PTPRK: variants seen among roughly 807,000 people sequenced by gnomAD.
PTPRK encodes protein tyrosine phosphatase receptor type K.
In PTPRK, 75 loss-of-function variants were observed where a neutral mutation model predicts 178.0. The ratio of observed to expected loss-of-function variants is 0.42; its 90% CI spans 0.35 to 0.51. The LOEUF (loss-of-function observed/expected upper bound fraction) is 0.51. Ranked by LOEUF, PTPRK falls within the 20% of genes least tolerant of loss-of-function variation. The pLI, the probability that PTPRK is intolerant of heterozygous loss-of-function variation, is 0.02. For synonymous variants in PTPRK, 637 were observed against 620.6 expected (o/e 1.03, Z -0.39); for missense variants, 1,441 against 1,797.8 (o/e 0.80, Z 3.59).
At chr6:128,136,352 G>A (rs1795012623) in intron 7 of PTPRK, among the ~76,000 whole-genome samples, 1 of 152,150 alleles carries the variant, frequency 6.6e-6, no homozygotes, top group African/African-American at 2.4e-5. Context: ...AGGGATTAAG[G>A]TGCTTCCCTG....
chr6:128,378,357 A>G (rs4296904), intron 2 of PTPRK, among the ~76,000 whole-genome samples: 6,904 of 152,196 alleles, frequency 0.045, 425 homozygotes, highest in East Asian at 0.32. Flanking sequence ...TCATGATTTC[A>G]TAAGTAAATA....
intron 7 of PTPRK, among the ~76,000 whole-genome samples, chr6:128,106,925 A>C (rs1789814559): frequency 1.3e-5 from 2 of 152,242 alleles, no homozygotes; most frequent in South Asian, 4.1e-4. Flanking sequence ...AAGGTAAATA[A>C]AAAAGAATTT....
chr6:128,244,732 T>C (rs1815138529), intron 3 of PTPRK, among the ~76,000 whole-genome samples: 1 of 152,296 alleles, frequency 6.6e-6, no homozygotes, highest in Non-Finnish European at 1.5e-5. Context: ...TAGTACAGAC[T>C]GAAAACCTCT....
At chr6:128,224,968 T>C (rs1811030265) in intron 5 of PTPRK, among the ~76,000 whole-genome samples, 1 of 152,180 alleles carries the variant, frequency 6.6e-6, no homozygotes, top group Non-Finnish European at 1.5e-5. Flanking sequence ...TCTTTGGACT[T>C]TTTGTTAAAT....
chr6:128,278,653 G>A (rs1367713528), intron 3 of PTPRK, among the ~76,000 whole-genome samples: 2 of 152,130 alleles, frequency 1.3e-5, no homozygotes, highest in Admixed American at 1.3e-4. Context: ...AAGGCCACTG[G>A]GCTTGGTCTT....
At chr6:127,982,753 G>C in intron 24 of PTPRK, 78 bp downstream of exon 24, 1 of 1,329,918 alleles carries the variant, frequency 7.5e-7, no homozygotes, top group South Asian at 1.5e-5. Context: ...TGACTTGAAA[G>C]ACCTTCCTTG....
chr6:127,971,664 T>C (rs1773912810), intron 29 of PTPRK, among the ~76,000 whole-genome samples: 1 of 152,030 alleles, frequency 6.6e-6, no homozygotes, highest in African/African-American at 2.4e-5. Flanking sequence ...GACATGAATG[T>C]AAAGGAAAAT....
At chr6:128,148,158 G>A (rs1207695539) in intron 7 of PTPRK, among the ~76,000 whole-genome samples, 2 of 152,052 alleles carry the variant, frequency 1.3e-5, no homozygotes, top group African/African-American at 2.4e-5. Flanking sequence ...TATTAAGAGG[G>A]GCACTGATGA....
intron 7 of PTPRK, among the ~76,000 whole-genome samples, chr6:128,151,240 T>C (rs1797200975): frequency 6.6e-6 from 1 of 152,048 alleles, no homozygotes; most frequent in Non-Finnish European, 1.5e-5. Flanking sequence ...TTTCCTTTTG[T>C]CCATTAGTAA....
At chr6:128,515,984 G>A (rs1857951151) in intron 1 of PTPRK, among the ~76,000 whole-genome samples, 1 of 152,036 alleles carries the variant, frequency 6.6e-6, no homozygotes, top group Admixed American at 6.6e-5. Flanking sequence ...TACCTTAAAG[G>A]CCAGAAAAAC....
At chr6:128,283,002 A>C (rs1821918125) in intron 3 of PTPRK, among the ~76,000 whole-genome samples, 1 of 152,152 alleles carries the variant, frequency 6.6e-6, no homozygotes, top group South Asian at 2.1e-4. Context: ...GAAAACAAGA[A>C]AGGGTGGTGC....
At chr6:128,229,568 A>G (rs1441248435) in intron 5 of PTPRK, among the ~76,000 whole-genome samples, 1 of 152,148 alleles carries the variant, frequency 6.6e-6, no homozygotes, top group Non-Finnish European at 1.5e-5. Flanking sequence ...AAAATGACTG[A>G]TCTCACATCC....
At chr6:127,984,113 T>C (rs1421385978) in intron 22 of PTPRK, among the ~76,000 whole-genome samples, 2 of 152,196 alleles carry the variant, frequency 1.3e-5, no homozygotes, top group East Asian at 3.8e-4. Context: ...TTTTAGTCTT[T>C]AATTGGCAAA....
rs538906478 is a variant in PTPRK, at chr6:128,070,647, G to A, written c.1884-2855C>T. On this transcript the variant is annotated intron_variant, in intron 11 of 29. Coordinates refer to ENST00000368226, the MANE Select transcript of PTPRK (RefSeq NM_002844.4). ...GCTAGTTGGAGATAACCTGGTCACC[G>A]CACTCTATAACCCTCCCACTCTACC... is the stretch of plus-strand genomic sequence containing the variant. 1.4e-3 allele frequency among the ~76,000 whole-genome samples: 214 copies of A among 151,892 alleles called. 1 individual carries two copies. Among genetic ancestry groups the A allele is most frequent in the African/African-American group, 5.0e-3 (206 of 41,498 alleles).
chr6:128,392,543 T>C (rs899113200), intron 2 of PTPRK, among the ~76,000 whole-genome samples: 4 of 152,246 alleles, frequency 2.6e-5, no homozygotes, highest in East Asian at 1.9e-4. Context: ...AGAGAACATA[T>C]AGTAAAATGG....
At chr6:128,263,927 T>C (rs959266658) in intron 3 of PTPRK, among the ~76,000 whole-genome samples, 2 of 152,000 alleles carry the variant, frequency 1.3e-5, no homozygotes, top group Non-Finnish European at 2.9e-5. Context: ...AAGGCCAGAG[T>C]AGTGAACCAC....
intron 2 of PTPRK, among the ~76,000 whole-genome samples, chr6:128,323,831 C>CT (rs968603666): frequency 4.9e-4 from 73 of 149,556 alleles, no homozygotes; most frequent in Non-Finnish European, 6.9e-4. Context: ...AGCTAGGATT[C>CT]TTTTTTTTTT....
At chr6:128,438,064 C>T (rs1164274900) in intron 1 of PTPRK, among the ~76,000 whole-genome samples, 2 of 152,328 alleles carry the variant, frequency 1.3e-5, no homozygotes, top group East Asian at 3.9e-4. Flanking sequence ...TTTCAATCAC[C>T]ATTTGGATGA....
intron 7 of PTPRK, among the ~76,000 whole-genome samples, chr6:128,134,367 T>C (rs890244127): frequency 6.6e-6 from 1 of 152,198 alleles, no homozygotes; most frequent in Non-Finnish European, 1.5e-5. Context: ...TGCCTTGTGA[T>C]AACTGTATTT....
Sources: allele counts gnomAD v4.1 joint callset (sites outside exome capture counted in the v4.1 genomes callset), GRCh38; gene constraint gnomAD v4.1.1; transcripts MANE v1.5; gene names NCBI Gene and HGNC (gene_info 2026-07-23, HGNC 2026-07-21).